The following SRD5A2 variants were observed in gnomAD, a reference collection of about 807,000 sequenced individuals.
SRD5A2 encodes the protein 3-oxo-5-alpha-steroid 4-dehydrogenase 2.
Under a neutral mutation model 27.4 loss-of-function variants are expected in SRD5A2, and 30 were observed. That is an observed-to-expected ratio of 1.10 (90% CI 0.82 to 1.49). SRD5A2 has a LOEUF of 1.49. Among genes scored for constraint, SRD5A2 ranks in the 40% most tolerant of loss-of-function variants. The pLI is 0.00. For synonymous variants in SRD5A2, 141 were observed against 133.6 expected, an observed-to-expected ratio of 1.06 and a Z score of -0.38; for missense variants, 348 against 323.4, an observed-to-expected ratio of 1.08 and a Z score of -0.58.
rs545723865 is a variant in SRD5A2, at chr2:31,562,808, T to C, written c.281+17812A>G. ...TACCCATGTAACAAACCTGCACATGTACCCCCTGAATTAAATTTTTAAAAC... is the reference window on the plus strand; with the variant it reads ...TACCCATGTAACAAACCTGCACATGCACCCCCTGAATTAAATTTTTAAAAC... On this transcript the variant is annotated intron_variant, in intron 1 of 4. Transcript: ENST00000622030. Among the ~76,000 whole-genome samples, 17 of 152,264 alleles carry C rather than the reference T, an allele frequency of 1.1e-4. No individual in the cohort carries two copies. In the East Asian group the frequency reaches 2.7e-3, roughly 24 times the overall value.
At chr2:31,640,666 T>G in the SRD5A2 span, among the ~76,000 whole-genome samples, 2 of 152,092 alleles carry the variant, frequency 1.3e-5, no homozygotes, top group African/African-American at 4.8e-5. Flanking sequence ...GGGTTCATGT[T>G]CAGGGACCTG....
chr2:31,602,536 T>C, the SRD5A2 span, among the ~76,000 whole-genome samples: 1 of 152,052 alleles, frequency 6.6e-6, no homozygotes, highest in East Asian at 1.9e-4. Context: ...TTGCCATTCT[T>C]CACAGAATTA....
At chr2:31,537,497 G>C (rs1666049894) in intron 1 of SRD5A2, among the ~76,000 whole-genome samples, 1 of 151,848 alleles carries the variant, frequency 6.6e-6, no homozygotes, top group Non-Finnish European at 1.5e-5. Context: ...CCTCTTTCTG[G>C]AAACACTTTC....
Position 31,524,080 on chromosome 2 carries a change from A to C in SRD5A2, c.*2116T>G, listed in dbSNP as rs1247809094. 4.5e-6 allele frequency: 1 copy of C among 222,990 alleles called. No individual in the cohort carries two copies. Among genetic ancestry groups the C allele is most frequent in the Non-Finnish European group, 9.0e-6 (1 of 111,604 alleles). The allele number at this position is 222,990 out of a possible 1,614,324, so 13.8% of individuals were successfully genotyped here. Reference sequence around the variant, plus strand: ...GCGCCCTCTTGTGGCAAAAAGTGAAATTGCCAAATGGCGGTTTTGTCCTGA... The same window carrying C: ...GCGCCCTCTTGTGGCAAAAAGTGAACTTGCCAAATGGCGGTTTTGTCCTGA... On this transcript the variant is annotated 3_prime_UTR_variant, in exon 5 of 5. Transcript: ENST00000622030.
At chr2:31,571,210 C>A (rs946815070) in intron 1 of SRD5A2, among the ~76,000 whole-genome samples, 3 of 151,934 alleles carry the variant, frequency 2.0e-5, no homozygotes, top group Admixed American at 6.6e-5. Context: ...TGCCCAGAAA[C>A]AATGCTGCAT....
At chr2:31,601,835 A>C in the SRD5A2 span, among the ~76,000 whole-genome samples, 1 of 152,118 alleles carries the variant, frequency 6.6e-6, no homozygotes, top group Non-Finnish European at 1.5e-5. Context: ...CGATGCAGAA[A>C]GGGCCTTCAA....
At chr2:31,590,393 G>A in the SRD5A2 span, among the ~76,000 whole-genome samples, 48 of 152,142 alleles carry the variant, frequency 3.2e-4, no homozygotes, top group African/African-American at 1.0e-3. Flanking sequence ...GATCCTTCAC[G>A]TCCCTTGTAA....
chr2:31,621,071 C>T, the SRD5A2 span, among the ~76,000 whole-genome samples: 3 of 151,062 alleles, frequency 2.0e-5, no homozygotes, highest in Non-Finnish European at 4.4e-5. Flanking sequence ...GATTCATATG[C>T]ATTTTAAAAA....
the SRD5A2 span, among the ~76,000 whole-genome samples, chr2:31,657,893 A>T: frequency 6.6e-6 from 1 of 152,096 alleles, no homozygotes; most frequent in African/African-American, 2.4e-5. Context: ...AAAAGAAGAA[A>T]AGGAAGGAGA....
Position 31,529,360 on chromosome 2 carries a change from T to C in SRD5A2, c.645A>G (p.Ala215=). The C allele has an allele frequency of 2.5e-6, 4 of 1,613,814 alleles. No individual in the cohort carries two copies. Among genetic ancestry groups the C allele is most frequent in the Non-Finnish European group, 3.4e-6 (4 of 1,179,798 alleles). ...GGAAACAAAGTGAGAAAAATGCAAA[T>C]GCAAGTGCTGGGAGGGACCAAGTGG... ...ALATWSLPAL[A]FAFFSLCFLG... Residue 215 remains alanine, a synonymous_variant, in exon 4 of 5, where the codon GCA becomes GCG. Transcript: ENST00000622030.
At chr2:31,562,186 T>A (rs961096998) in intron 1 of SRD5A2, among the ~76,000 whole-genome samples, 3 of 152,184 alleles carry the variant, frequency 2.0e-5, no homozygotes, top group African/African-American at 7.2e-5. Context: ...TTCAGTTGTT[T>A]AGCTTCTTAG....
chr2:31,558,335 A>G lies in SRD5A2; in HGVS notation c.281+22285T>C, dbSNP rs1666543999. Among the ~76,000 whole-genome samples the G allele has an allele frequency of 2.0e-5, 3 of 152,200 alleles. No homozygotes were observed. In the South Asian group the frequency reaches 6.2e-4, roughly 32 times the overall value. Reference sequence around the variant, plus strand: ...AGGCTGCCATAACAAATTGCCGCAGACTGGATAGCTTAAAACAATAGAAAT... The same window carrying G: ...AGGCTGCCATAACAAATTGCCGCAGGCTGGATAGCTTAAAACAATAGAAAT... On this transcript the variant is annotated intron_variant, in intron 1 of 4. Coordinates refer to ENST00000622030, the MANE Select transcript of SRD5A2 (RefSeq NM_000348.4).
chr2:31,571,603 A>C (rs1249689587), intron 1 of SRD5A2, among the ~76,000 whole-genome samples: 1 of 152,224 alleles, frequency 6.6e-6, no homozygotes, highest in Non-Finnish European at 1.5e-5. Context: ...ATGGGAAAAA[A>C]TATCTGCAAA....
intron 1 of SRD5A2, among the ~76,000 whole-genome samples, chr2:31,562,230 T>C (rs1470348930): frequency 6.6e-6 from 1 of 152,166 alleles, no homozygotes; most frequent in African/African-American, 2.4e-5. Context: ...TTTTTTCCTT[T>C]TTAAAAAATT....
At chr2:31,616,087 T>C in the SRD5A2 span, among the ~76,000 whole-genome samples, 5 of 152,264 alleles carry the variant, frequency 3.3e-5, no homozygotes, top group South Asian at 6.2e-4. Context: ...CAGGCAGAAG[T>C]TGGCTACAGG....
the SRD5A2 span, among the ~76,000 whole-genome samples, chr2:31,648,218 AG>A: frequency 6.6e-5 from 10 of 152,344 alleles, no homozygotes; most frequent in South Asian, 1.9e-3. Context: ...GGAGGAAAAA[AG>A]GTTTTTAAAA....
chr2:31,628,626 AT>A, the SRD5A2 span, among the ~76,000 whole-genome samples: 1 of 152,178 alleles, frequency 6.6e-6, no homozygotes, highest in African/African-American at 2.4e-5. Context: ...TTCTTTGCAT[AT>A]TTAGCACTCC....
chr2:31,583,114 C>T (rs1667109009), upstream of SRD5A2, among the ~76,000 whole-genome samples: 1 of 152,182 alleles, frequency 6.6e-6, no homozygotes, highest in African/African-American at 2.4e-5. Flanking sequence ...CTTGACTTAT[C>T]TTAACAATAT....
intron 1 of SRD5A2, among the ~76,000 whole-genome samples, chr2:31,546,407 T>C (rs11124263): frequency 6.6e-6 from 1 of 152,186 alleles, no homozygotes; most frequent in Non-Finnish European, 1.5e-5. Context: ...CCATTAATGA[T>C]GGACTGGATA....
Sources: allele counts gnomAD v4.1 joint callset (sites outside exome capture counted in the v4.1 genomes callset), GRCh38; gene constraint gnomAD v4.1.1; transcripts MANE v1.5; gene names NCBI Gene and HGNC (gene_info 2026-07-23, HGNC 2026-07-21).